Variants in IFNA6 observed in about 807,000 individuals in gnomAD.
The protein encoded by IFNA6 is interferon alpha 6, also known as interferon alpha-6.
For missense variants in IFNA6, 235 were observed against 212.4 expected (o/e 1.11, Z -0.66); for synonymous variants, 96 against 79.2 (o/e 1.21, Z -1.13).
chr9:21,350,713 A>G (rs774548087), exon 1 of IFNA6: 1 of 1,614,008 alleles, frequency 6.2e-7, no homozygotes, highest in Non-Finnish European at 8.5e-7. Flanking sequence ...GGAAATCTGA[A>G]GTCATGTCTG....
At chr9:21,350,597 A>C (rs1403452130) in exon 1 of IFNA6, 3 of 1,614,012 alleles carry the variant, frequency 1.9e-6, no homozygotes, top group Non-Finnish European at 2.5e-6. Flanking sequence ...CCCAAGCAAC[A>C]GATGAGTCCT....
chr9:21,350,481 T>A, exon 1 of IFNA6: 6 of 1,614,048 alleles, frequency 3.7e-6, no homozygotes, highest in Non-Finnish European at 5.1e-6. Context: ...GGAGTCCTCA[T>A]TCATCAGGGG....
exon 1 of IFNA6, chr9:21,350,654 A>G (rs1161786145): frequency 6.2e-7 from 1 of 1,613,920 alleles, no homozygotes; most frequent in Non-Finnish European, 8.5e-7. Context: ...CATGGAGGAC[A>G]GAGATGGCTT....
chr9:21,350,721 C>G, exon 1 of IFNA6: 1 of 1,614,080 alleles, frequency 6.2e-7, no homozygotes, highest in Non-Finnish European at 8.5e-7. Flanking sequence ...GAAGTCATGT[C>G]TGTCCTTCAG....
chr9:21,350,501 C>T (rs771878044), exon 1 of IFNA6: 2 of 1,614,032 alleles, frequency 1.2e-6, no homozygotes, highest in Non-Finnish European at 1.7e-6. Flanking sequence ...GAGTCCCTCC[C>T]ACCCACACCT....
At chr9:21,350,736 G>A (rs375617147) in exon 1 of IFNA6, 2 of 1,613,904 alleles carry the variant, frequency 1.2e-6, no homozygotes, top group African/African-American at 2.7e-5. Flanking sequence ...CTTCAGACAG[G>A]AGAAAAGAGA....
chr9:21,350,790 C>T (rs1820443562), exon 1 of IFNA6: 2 of 1,613,848 alleles, frequency 1.2e-6, no homozygotes, highest in African/African-American at 2.7e-5. Flanking sequence ...CCTCCTGTGA[C>T]CCAGGCTGTG....
exon 1 of IFNA6, chr9:21,350,494 T>A: frequency 6.2e-7 from 1 of 1,613,750 alleles, no homozygotes; most frequent in Non-Finnish European, 8.5e-7. Context: ...ATCAGGGGAG[T>A]CCCTCCCACC....
exon 1 of IFNA6, chr9:21,350,706 A>T (rs1381294014): frequency 6.2e-7 from 1 of 1,614,004 alleles, no homozygotes; most frequent in East Asian, 2.2e-5. Context: ...CTCCTGGGGA[A>T]ATCTGAAGTC....
chr9:21,350,677 A>G (rs766599103), exon 1 of IFNA6: 2 of 1,613,982 alleles, frequency 1.2e-6, no homozygotes, highest in African/African-American at 2.7e-5. Context: ...GCCTTCTGGA[A>G]CTGGTTGCCA....
exon 1 of IFNA6, chr9:21,350,736 G>T: frequency 6.2e-7 from 1 of 1,614,022 alleles, no homozygotes; most frequent in Non-Finnish European, 8.5e-7. Flanking sequence ...CTTCAGACAG[G>T]AGAAAAGAGA....
chr9:21,350,726 C>T (rs573657270), exon 1 of IFNA6: 1 of 1,614,020 alleles, frequency 6.2e-7, no homozygotes, highest in East Asian at 2.2e-5. Context: ...CATGTCTGTC[C>T]TTCAGACAGG....
chr9:21,350,741 A>AAG, the IFNA6 span: 1 of 1,614,008 alleles, frequency 6.2e-7, no homozygotes, highest in Non-Finnish European at 8.5e-7. Flanking sequence ...GACAGGAGAA[A>AAG]AGAGAGATTC....
exon 1 of IFNA6, chr9:21,350,408 G>A: frequency 6.2e-7 from 1 of 1,613,958 alleles, no homozygotes; most frequent in Non-Finnish European, 8.5e-7. Flanking sequence ...AGGCACAAGG[G>A]CTGTACTTTT....
exon 1 of IFNA6, chr9:21,350,407 G>A: frequency 6.2e-7 from 1 of 1,613,954 alleles, no homozygotes; most frequent in Non-Finnish European, 8.5e-7. Flanking sequence ...CAGGCACAAG[G>A]GCTGTACTTT....
rs189717919 is a variant in IFNA6 at position 21,350,628 on chromosome 9, G to T, written c.260C>A (p.Thr87Asn). The T allele has an allele frequency of 1.8e-5, 29 of 1,614,000 alleles. No homozygotes were observed. The Admixed American group carries it at 3.3e-4, about 19-fold the overall frequency. ...GTCCTTTGTGCTGAAGAGGTTGAAG[G>T]TCTGCTGAATCACCTCATGGAGGAC... The change falls in exon 1 of 1, where the codon ACC (threonine) becomes AAC (asparagine). Residue 87 changes from threonine to asparagine, a missense_variant. Transcript: ENST00000380210.
At position 21,350,700 on chromosome 9, in the gene IFNA6, T is replaced by G. The variant is rs748170034; in HGVS notation, c.188A>C (p.Gln63Pro). The G allele has an allele frequency of 4.3e-6, 7 of 1,614,036 alleles. No individual in the cohort carries two copies. The East Asian group carries it at 1.1e-4, about 26-fold the overall frequency. ...GAACTGGTTGCCATCAAACTCCTCC[T>G]GGGGAAATCTGAAGTCATGTCTGTC... is the stretch of plus-strand genomic sequence containing the variant. The change falls in exon 1 of 1, where the codon CAG (glutamine) becomes CCG (proline). Residue 63 changes from glutamine (Q) to proline (P), a missense_variant. Coordinates refer to ENST00000380210, the Ensembl canonical transcript of IFNA6.
chr9:21,350,657 G>C, exon 1 of IFNA6: 1 of 1,614,052 alleles, frequency 6.2e-7, no homozygotes, highest in Non-Finnish European at 8.5e-7. Flanking sequence ...GGAGGACAGA[G>C]ATGGCTTCAG....
chr9:21,350,824 G>A, exon 1 of IFNA6: 1 of 1,613,976 alleles, frequency 6.2e-7, no homozygotes, highest in Non-Finnish European at 8.5e-7. Flanking sequence ...TCACAGTCCA[G>A]AGAGCAGCTT....
Sources: allele counts gnomAD v4.1 joint callset, GRCh38; gene constraint gnomAD v4.1.1; transcripts MANE v1.5; gene names NCBI Gene and HGNC (gene_info 2026-07-23, HGNC 2026-07-21).